MEGF11: variants seen among roughly 807,000 people sequenced by gnomAD.
The protein encoded by MEGF11 is multiple epidermal growth factor-like domains protein 11.
MEGF11 carries 126 observed loss-of-function variants against 146.6 expected under a neutral mutation model. The observed-to-expected ratio is 0.86, with a 90% CI of 0.74 to 1.00. MEGF11 has a LOEUF of 1.00. MEGF11 is among the 50% of genes least tolerant of loss of function. MEGF11 has a pLI of 0.00. For synonymous variants in MEGF11, 532 were observed against 583.4 expected (o/e 0.91, Z 1.27); for missense variants, 1,509 against 1,521.2 (o/e 0.99, Z 0.13).
At chr15:66,106,640 A>G (rs1247890497) in intron 4 of MEGF11, among the ~76,000 whole-genome samples, 1 of 152,200 alleles carries the variant, frequency 6.6e-6, no homozygotes, top group Non-Finnish European at 1.5e-5. Context: ...TCTAGGGTCT[A>G]TGCTGTTAAC....
At chr15:66,076,095 AGATG>A (rs1377682762) in intron 5 of MEGF11, among the ~76,000 whole-genome samples, 2 of 152,222 alleles carry the variant, frequency 1.3e-5, no homozygotes, top group Admixed American at 6.5e-5. Context: ...ATAGATGGAC[AGATG>A]GATGGAAGAA....
rs760507129 is a variant in MEGF11 at position 66,094,441 on chromosome 15, G to A, written c.355C>T (p.His119Tyr). 1.3e-5 allele frequency: 20 copies of A among 1,563,748 alleles called. No individual in the cohort carries two copies. The South Asian group carries it at 2.4e-4, about 18-fold the overall frequency. Residue 119 changes from histidine (H) to tyrosine (Y), a missense_variant, in exon 5 of 26, where the codon CAC becomes TAC. Coordinates refer to ENST00000395614, the MANE Select transcript of MEGF11 (RefSeq NM_001385028.1). ...GGCCCTCCCCAGCCAGGCTCGCAGT[G>A]GCAGGTGTCCGGGGAAACGCAGCGG... Reference protein sequence around the residue: ...HGRCVSPDTCHCEPGWGGPDC... With the variant: ...HGRCVSPDTCYCEPGWGGPDC...
intron 13 of MEGF11, among the ~76,000 whole-genome samples, chr15:65,923,538 C>T (rs1054765553): frequency 1.2e-4 from 18 of 152,130 alleles, no homozygotes; most frequent in African/African-American, 4.1e-4. Flanking sequence ...GACTCCTCAG[C>T]GCAGTATGTG....
intron 4 of MEGF11, among the ~76,000 whole-genome samples, chr15:66,100,378 A>G (rs2086740633): frequency 6.6e-6 from 1 of 152,274 alleles, no homozygotes; most frequent in South Asian, 2.1e-4. Flanking sequence ...GGCACCCCAT[A>G]GAGAGCTGTC....
intron 1 of MEGF11, among the ~76,000 whole-genome samples, chr15:66,211,148 C>A (rs975392409): frequency 2.0e-5 from 3 of 152,200 alleles, no homozygotes; most frequent in Non-Finnish European, 4.4e-5. Context: ...CCTCCATTCC[C>A]CTGGAGGTAT....
Position 65,927,162 on chromosome 15 carries a change from C to T in MEGF11, c.1675+1263G>A, listed in dbSNP as rs567785078. On this transcript the variant is annotated intron_variant, in intron 13 of 25. Transcript: ENST00000395614. ...ATTAAGCACTTCCTGTATTCATGGC[C>T]TGCTTTTACTGAGCACTTACTATGT... 2.0e-5 allele frequency among the ~76,000 whole-genome samples: 3 copies of T among 152,340 alleles called. No individual in the cohort carries two copies. The South Asian group carries it at 6.2e-4, about 32-fold the overall frequency.
rs117414061 is a variant in MEGF11 at position 66,194,051 on chromosome 15, G to C, written c.-9+59554C>G. ...TATACAAAAAAAGATACTTGCACAT[G>C]CATGTTTACAGCAGTACAATTCGCA... On this transcript the variant is annotated intron_variant, in intron 1 of 25. Transcript: ENST00000395614. 7.7e-3 allele frequency among the ~76,000 whole-genome samples: 1,168 copies of C among 152,290 alleles called. 11 individuals are homozygous for C. Among genetic ancestry groups the C allele is most frequent in the Non-Finnish European group, 0.011 (782 of 68,020 alleles).
At chr15:65,909,948 C>T (rs904843966) in intron 21 of MEGF11, 142 bp from the exon 22 acceptor site, 7 of 737,536 alleles carry the variant, frequency 9.5e-6, no homozygotes, top group Admixed American at 8.0e-5. Flanking sequence ...AAAGGGCGAG[C>T]TAGGTGTTCC....
At chr15:66,098,965 G>T (rs2086663817) in intron 4 of MEGF11, among the ~76,000 whole-genome samples, 2 of 152,150 alleles carry the variant, frequency 1.3e-5, no homozygotes, top group South Asian at 4.1e-4. Flanking sequence ...AATAAAAATG[G>T]CTGGTCCTTT....
intron 5 of MEGF11, among the ~76,000 whole-genome samples, chr15:65,993,247 C>G (rs896316072): frequency 7.9e-5 from 12 of 152,206 alleles, no homozygotes; most frequent in African/African-American, 2.9e-4. Context: ...TTATACCATA[C>G]AGCAATGAGG....
chr15:66,151,102 A>C (rs28713776), intron 1 of MEGF11, among the ~76,000 whole-genome samples: 17,890 of 152,010 alleles, frequency 0.12, 2,094 homozygotes, highest in African/African-American at 0.31. Flanking sequence ...CCACCTTTGA[A>C]CTACTTGGAA....
At position 65,964,995 on chromosome 15, in the gene MEGF11, G is replaced by A. The variant is rs1432234902; in HGVS notation, c.1025C>T (p.Pro342Leu). 3 of 1,569,392 alleles carry A rather than the reference G, an allele frequency of 1.9e-6. No individual in the cohort carries two copies. The highest frequency in any genetic ancestry group is 2.6e-6 in the Non-Finnish European group (3 of 1,157,374). The change falls in exon 9 of 26, where the codon CCA (proline) becomes CTA (leucine). Residue 342 changes from proline (P) to leucine (L), a missense_variant. Transcript: ENST00000395614. ...ACECEPGYKGPRCQERLCPEG... is the reference protein window; with the variant it reads ...ACECEPGYKGLRCQERLCPEG... Reference sequence around the variant, plus strand: ...CGGGCACAGTCGCTCCTGGCAGCGTGGGCCCTTGTAGCCAGGCTCACACTC... The same window carrying A: ...CGGGCACAGTCGCTCCTGGCAGCGTAGGCCCTTGTAGCCAGGCTCACACTC...
intron 1 of MEGF11, among the ~76,000 whole-genome samples, chr15:66,236,660 G>A (rs1238411369): frequency 4.6e-5 from 7 of 152,104 alleles, no homozygotes; most frequent in Admixed American, 2.6e-4. Flanking sequence ...ACAGCAGCTC[G>A]AACCCTAGTC....
At chr15:66,013,430 A>T (rs1436103417) in intron 5 of MEGF11, among the ~76,000 whole-genome samples, 1 of 151,516 alleles carries the variant, frequency 6.6e-6, no homozygotes, top group African/African-American at 2.4e-5. Flanking sequence ...TATGTTGCAC[A>T]CCTGCAATCC....
intron 5 of MEGF11, among the ~76,000 whole-genome samples, chr15:66,040,760 A>C (rs1268904949): frequency 6.6e-6 from 1 of 151,924 alleles, no homozygotes; most frequent in Non-Finnish European, 1.5e-5. Context: ...CATGGTTGAA[A>C]CCTCTAGTAG....
intron 1 of MEGF11, among the ~76,000 whole-genome samples, chr15:66,208,504 T>A (rs1217999088): frequency 1.3e-5 from 2 of 152,204 alleles, no homozygotes; most frequent in Non-Finnish European, 2.9e-5. Flanking sequence ...ATGTAAATGT[T>A]CTAAATACAC....
intron 1 of MEGF11, among the ~76,000 whole-genome samples, chr15:66,173,390 G>A (rs12101462): frequency 0.079 from 11,959 of 151,924 alleles, 1,578 homozygotes; most frequent in African/African-American, 0.27. Flanking sequence ...ACCTTGGCTC[G>A]CTGCAACTTC....
intron 1 of MEGF11, among the ~76,000 whole-genome samples, chr15:66,180,394 A>G (rs1168006004): frequency 6.6e-6 from 1 of 152,166 alleles, no homozygotes; most frequent in Non-Finnish European, 1.5e-5. Flanking sequence ...GGGAACCTCA[A>G]TGCCACACAC....
intron 8 of MEGF11, among the ~76,000 whole-genome samples, chr15:65,968,818 C>T (rs2081203670): frequency 6.6e-6 from 1 of 152,198 alleles, no homozygotes; most frequent in African/African-American, 2.4e-5. Flanking sequence ...GCCCTCGTTA[C>T]ATTTCGTGTT....
Sources: gnomAD v4.1 joint callset for allele counts (sites outside exome capture counted in the v4.1 genomes callset) on GRCh38, gnomAD v4.1.1 for gene constraint, MANE v1.5 for transcripts, NCBI Gene and HGNC (gene_info 2026-07-23, HGNC 2026-07-21) for gene names.